The following ME3 variants were observed in gnomAD, a reference collection of about 807,000 sequenced individuals.
ME3 encodes the protein NADP-dependent malic enzyme, mitochondrial.
ME3 carries 48 observed loss-of-function variants against 68.9 expected under a neutral mutation model. The observed-to-expected ratio is 0.70, with a 90% CI of 0.55 to 0.89. ME3 has a LOEUF of 0.89. Among genes scored for constraint, ME3 ranks in the 40% least tolerant of loss-of-function variants. ME3 has a pLI of 0.00. For synonymous variants in ME3, 320 were observed against 318.8 expected, an observed-to-expected ratio of 1.00 and a Z score of -0.04; for missense variants, 675 against 797.4, an observed-to-expected ratio of 0.85 and a Z score of 1.85.
At chr11:86,462,873 G>A (rs542149525) in intron 8 of ME3, among the ~76,000 whole-genome samples, 4 of 152,288 alleles carry the variant, frequency 2.6e-5, no homozygotes. Flanking sequence ...AGACCCTGGA[G>A]CTGGGTCTTT....
intron 8 of ME3, among the ~76,000 whole-genome samples, chr11:86,464,874 A>C (rs1480486757): frequency 6.6e-6 from 1 of 152,260 alleles, no homozygotes; most frequent in African/African-American, 2.4e-5. Context: ...CCTCTGAAGT[A>C]GTAATGATCT....
intron 2 of ME3, among the ~76,000 whole-genome samples, chr11:86,610,556 C>G (rs1420991823): frequency 6.6e-6 from 1 of 152,112 alleles, no homozygotes; most frequent in African/African-American, 2.4e-5. Flanking sequence ...CTTTCCATTC[C>G]AAGGCCCCTG....
chr11:86,631,803 A>C (rs894750879), intron 2 of ME3, among the ~76,000 whole-genome samples: 2 of 151,888 alleles, frequency 1.3e-5, no homozygotes, highest in Admixed American at 6.6e-5. Flanking sequence ...CACAATTTCA[A>C]CTCACTGCAA....
intron 4 of ME3, among the ~76,000 whole-genome samples, chr11:86,550,414 G>C (rs1956606066): frequency 6.6e-6 from 1 of 152,072 alleles, no homozygotes. Flanking sequence ...GATGATTGAG[G>C]GCAAGAACCC....
At chr11:86,653,944 G>A (rs1343736030) in intron 2 of ME3, among the ~76,000 whole-genome samples, 1 of 151,998 alleles carries the variant, frequency 6.6e-6, no homozygotes. Context: ...AATACAAACT[G>A]CCATCAGAGA....
intron 2 of ME3, among the ~76,000 whole-genome samples, chr11:86,654,205 C>T (rs554432589): frequency 6.6e-6 from 1 of 152,248 alleles, no homozygotes; most frequent in East Asian, 1.9e-4. Context: ...GAAACTATTC[C>T]AATCAATAGA....
intron 4 of ME3, among the ~76,000 whole-genome samples, chr11:86,513,096 G>A (rs941502006): frequency 4.9e-4 from 74 of 152,122 alleles, no homozygotes; most frequent in African/African-American, 1.8e-3. Context: ...CCAAAGCTCT[G>A]GTGTGGTTAA....
chr11:86,450,042 A>T (rs1384108505), intron 9 of ME3, 40 bp from the exon 10 acceptor site: 1 of 1,443,152 alleles, frequency 6.9e-7, no homozygotes, highest in Non-Finnish European at 9.6e-7. Flanking sequence ...ACACAGGGCA[A>T]ACAGCTGCTG....
chr11:86,462,564 A>C, intron 8 of ME3: 2 of 1,278,240 alleles, frequency 1.6e-6, no homozygotes, highest in Non-Finnish European at 2.0e-6. Flanking sequence ...AGACATACTC[A>C]CATGAACAGG....
intron 2 of ME3, among the ~76,000 whole-genome samples, chr11:86,666,789 T>C (rs1393780894): frequency 6.6e-6 from 1 of 152,218 alleles, no homozygotes; most frequent in East Asian, 1.9e-4. Flanking sequence ...CGAGAAGATA[T>C]ATTATGTAAT....
rs1673802932 is a variant in ME3 at position 86,629,663 on chromosome 11, CTT to C, written c.183+42097_183+42098del. On this transcript the variant is annotated intron_variant, in intron 2 of 14. Coordinates refer to ENST00000543262, the Ensembl canonical transcript of ME3. ...TTACTGTCTTGGGTATCTTCTGTGT[CTT>C]GGTGTCCCATTGTTTGTTTCCAGAG... Among the ~76,000 whole-genome samples the C allele has an allele frequency of 2.0e-5, 3 of 152,326 alleles. No individual in the cohort carries two copies. In the South Asian group the frequency reaches 6.2e-4, roughly 32 times the overall value.
chr11:86,459,151 G>T (rs551144808), intron 8 of ME3, among the ~76,000 whole-genome samples: 45 of 152,184 alleles, frequency 3.0e-4, no homozygotes, highest in Non-Finnish European at 4.9e-4. Context: ...AACAGGAAGA[G>T]AATTCTAGGC....
intron 2 of ME3, among the ~76,000 whole-genome samples, chr11:86,611,161 G>A (rs1410448182): frequency 4.6e-5 from 7 of 152,164 alleles, no homozygotes; most frequent in African/African-American, 1.7e-4. Flanking sequence ...GACAAATGCT[G>A]CATGATCTCA....
chr11:86,553,103 G>A (rs1025609597), intron 4 of ME3, among the ~76,000 whole-genome samples: 5 of 152,196 alleles, frequency 3.3e-5, no homozygotes, highest in East Asian at 1.9e-4. Flanking sequence ...TCATGGAGGC[G>A]CATGCAGAGG....
intron 2 of ME3, among the ~76,000 whole-genome samples, chr11:86,646,743 AT>A (rs1292109644): frequency 6.6e-6 from 1 of 152,228 alleles, no homozygotes; most frequent in Non-Finnish European, 1.5e-5. Flanking sequence ...CCCAAGACAC[AT>A]AATCATCAGA....
intron 3 of ME3, among the ~76,000 whole-genome samples, chr11:86,557,071 T>C (rs74718198): frequency 0.021 from 3,259 of 152,330 alleles, 62 homozygotes; most frequent in Admixed American, 0.031. Flanking sequence ...GCAGTCTGAC[T>C]CTGGAATCTG....
At chr11:86,600,468 T>C (rs545698750) in intron 2 of ME3, among the ~76,000 whole-genome samples, 1 of 151,602 alleles carries the variant, frequency 6.6e-6, no homozygotes, top group African/African-American at 2.4e-5. Flanking sequence ...CTGAGTGACC[T>C]ACAAAGAGAC....
intron 2 of ME3, among the ~76,000 whole-genome samples, chr11:86,600,554 G>T (rs1960436472): frequency 6.8e-6 from 1 of 148,102 alleles, no homozygotes; most frequent in Non-Finnish European, 1.5e-5. Flanking sequence ...GAGACAGAAA[G>T]TTAACAAGGA....
chr11:86,465,516 G>T (rs571895973), intron 7 of ME3, among the ~76,000 whole-genome samples: 1 of 152,100 alleles, frequency 6.6e-6, no homozygotes, highest in Non-Finnish European at 1.5e-5. Context: ...TGACAAGAGG[G>T]CCAAGGAGGG....
Sources: gnomAD v4.1 joint callset for allele counts (sites outside exome capture counted in the v4.1 genomes callset) on GRCh38, gnomAD v4.1.1 for gene constraint, MANE v1.5 for transcripts, NCBI Gene and HGNC (gene_info 2026-07-23, HGNC 2026-07-21) for gene names.